Variants in ABCG8 observed in about 807,000 individuals in gnomAD.
ABCG8 encodes ATP binding cassette subfamily G member 8, also known as ATP-binding cassette sub-family G member 8.
ABCG8 carries 81 observed loss-of-function variants against 71.3 expected under a neutral mutation model. The observed-to-expected ratio is 1.14, with a 90% CI of 0.95 to 1.37. The LOEUF (loss-of-function observed/expected upper bound fraction) is 1.37. ABCG8 is among the 40% of genes most tolerant of loss of function. The pLI, the probability that ABCG8 is intolerant of heterozygous loss-of-function variation, is 0.00. For synonymous variants in ABCG8, 451 were observed against 354.7 expected (o/e 1.27, Z -3.05); for missense variants, 1,119 against 866.2 (o/e 1.29, Z -3.66).
intron 6 of ABCG8, among the ~76,000 whole-genome samples, chr2:43,862,587 TTAC>T (rs10541565): frequency 0.4 from 59,605 of 150,414 alleles, 13,221 homozygotes; most frequent in East Asian, 0.86. Flanking sequence ...GATAGAACTC[TTAC>T]TACCTGGAAA....
At chr2:43,870,480 ACT>A (rs1234755728) in intron 6 of ABCG8, among the ~76,000 whole-genome samples, 1 of 151,524 alleles carries the variant, frequency 6.6e-6, no homozygotes, top group Non-Finnish European at 1.5e-5. Flanking sequence ...TAGTATTCTC[ACT>A]CTCTGGATAG....
chr2:43,849,833 C>T (rs569044225), intron 3 of ABCG8, among the ~76,000 whole-genome samples: 25 of 152,252 alleles, frequency 1.6e-4, no homozygotes, highest in African/African-American at 6.0e-4. Flanking sequence ...GCACAGGCCC[C>T]TTCTACCCTG....
chr2:43,877,730 G>C (rs1454521526), intron 12 of ABCG8, 42 bp downstream of exon 12: 6 of 1,613,926 alleles, frequency 3.7e-6, no homozygotes, highest in African/African-American at 2.7e-5. Flanking sequence ...TTGGACGTCC[G>C]GCTTTCCATC....
At chr2:43,846,115 C>T in intron 2 of ABCG8, 40 bp from the exon 3 acceptor site, 1 of 1,610,646 alleles carries the variant, frequency 6.2e-7, no homozygotes, top group Non-Finnish European at 8.5e-7. Context: ...CCCTCTGAAC[C>T]ATTCAGCTCT....
chr2:43,874,815 G>C (rs1558858298), intron 10 of ABCG8, among the ~76,000 whole-genome samples: 1 of 152,162 alleles, frequency 6.6e-6, no homozygotes, highest in Non-Finnish European at 1.5e-5. Context: ...AGGAAGCAGA[G>C]GTTCAGAGAG....
chr2:43,878,947 C>A lies in ABCG8; in HGVS notation c.*1034C>A, dbSNP rs1457374635. The stretch of plus-strand genomic sequence containing the variant: ...TTTATAAGGGGCTTCCCTCTTCGCT[C>A]GGCTCTCATTCTCTCTCCCGCTACC... On this transcript the variant is annotated 3_prime_UTR_variant, in exon 13 of 13. Transcript: ENST00000272286. 1 of 152,234 alleles carries A rather than the reference C, an allele frequency of 6.6e-6. No individual in the cohort carries two copies. The highest frequency in any genetic ancestry group is 1.5e-5 in the Non-Finnish European group (1 of 68,066). 9.4% of individuals were successfully genotyped at this position (152,234 alleles called of 1,614,324 possible). A position where few individuals can be genotyped will look rare whatever the true frequency, so the allele number is the denominator to read the frequency against.
At chr2:43,856,607 C>T (rs1669116451) in intron 6 of ABCG8, among the ~76,000 whole-genome samples, 1 of 151,328 alleles carries the variant, frequency 6.6e-6, no homozygotes, top group African/African-American at 2.4e-5. Context: ...TACAATTTTC[C>T]CATCTGAATA....
intron 11 of ABCG8, 102 bp from the exon 12 acceptor site, chr2:43,877,440 AAATATGGGCAGACCATGGG>A: frequency 6.6e-7 from 1 of 1,515,778 alleles, no homozygotes; most frequent in Non-Finnish European, 9.1e-7. Context: ...GAGATCATGC[AAATATGGGCAGACCATGGG>A]AATATGGGGA....
chr2:43,851,794 C>G lies in ABCG8; in HGVS notation c.533C>G (p.Thr178Ser). ...ATTGCCCAGATGCGGCTGCCCAGAA[C>G]CTTCTCCCAGGCCCAGCGTGACAAA... Reference protein sequence around the residue: ...AFIAQMRLPRTFSQAQRDKRV... With the variant: ...AFIAQMRLPRSFSQAQRDKRV... Residue 178 changes from threonine to serine, a missense_variant, in exon 4 of 13, where the codon ACC becomes AGC. Thr to Ser is a moderately conservative substitution (Grantham distance 58). Transcript: ENST00000272286. 2 of 1,614,232 alleles carry G rather than the reference C, an allele frequency of 1.2e-6. No homozygotes were observed. The highest frequency in any genetic ancestry group is 1.7e-6 in the Non-Finnish European group (2 of 1,180,046).
rs1572874410 is a variant in ABCG8, at chr2:43,880,575, G to A, written c.*2662G>A. The A allele has an allele frequency of 6.6e-6, 1 of 152,012 alleles. No individual in the cohort carries two copies. Among genetic ancestry groups the A allele is most frequent in the Non-Finnish European group, 1.5e-5 (1 of 67,994 alleles). 9.4% of individuals were successfully genotyped at this position (152,012 alleles called of 1,614,324 possible). A position where few individuals can be genotyped will look rare whatever the true frequency, so the allele number is the denominator to read the frequency against. On this transcript the variant is annotated 3_prime_UTR_variant, in exon 13 of 13. Transcript: ENST00000272286. Reference sequence around the variant, plus strand: ...TGGAAAATGGTATTTAGAAGCCAAGGTTTTGGTGATAAGTATGCTCTTTGC... The same window carrying A: ...TGGAAAATGGTATTTAGAAGCCAAGATTTTGGTGATAAGTATGCTCTTTGC...
chr2:43,848,436 G>A (rs1668812808), intron 3 of ABCG8: 2 of 152,190 alleles, frequency 1.3e-5, no homozygotes, highest in South Asian at 4.1e-4. Flanking sequence ...ATGATTGGCT[G>A]AGACTCAGCA....
intron 1 of ABCG8, among the ~76,000 whole-genome samples, chr2:43,839,569 G>A (rs1180457961): frequency 6.6e-6 from 1 of 151,586 alleles, no homozygotes; most frequent in Admixed American, 6.6e-5. Flanking sequence ...TGAGATTACA[G>A]GCACCTGCCA....
At chr2:43,874,557 C>CA in intron 10 of ABCG8, 74 bp downstream of exon 10, 1 of 1,279,906 alleles carries the variant, frequency 7.8e-7, no homozygotes, top group Non-Finnish European at 1.1e-6. Flanking sequence ...AACGTTGCTA[C>CA]AAGGAAGGCT....
intron 6 of ABCG8, among the ~76,000 whole-genome samples, chr2:43,861,944 A>T (rs1249231907): frequency 6.6e-6 from 1 of 151,208 alleles, no homozygotes; most frequent in Non-Finnish European, 1.5e-5. Flanking sequence ...ATCTACCTCG[A>T]TATAATTCTC....
intron 1 of ABCG8, among the ~76,000 whole-genome samples, chr2:43,839,403 C>CATTT (rs1668482858): frequency 3.4e-5 from 2 of 59,296 alleles, no homozygotes; most frequent in Non-Finnish European, 6.4e-5. Context: ...CTTTTCTTCT[C>CATTT]TTTTTTTTTT....
At chr2:43,848,672 C>G (rs1490770811) in intron 3 of ABCG8, 1 of 152,158 alleles carries the variant, frequency 6.6e-6, no homozygotes, top group Admixed American at 6.5e-5. Flanking sequence ...CCCTCTCCCC[C>G]TGCCCAACAT....
intron 1 of ABCG8, among the ~76,000 whole-genome samples, chr2:43,840,676 G>A (rs1668552858): frequency 1.3e-5 from 2 of 152,138 alleles, no homozygotes; most frequent in Non-Finnish European, 2.9e-5. Context: ...AACCTGAAAG[G>A]CCATGTGTAA....
chr2:43,854,395 A>C (rs1225890068), intron 6 of ABCG8, among the ~76,000 whole-genome samples: 1 of 152,200 alleles, frequency 6.6e-6, no homozygotes, highest in Non-Finnish European at 1.5e-5. Context: ...TCAGAGGCTG[A>C]GGCAGGCAGA....
chr2:43,856,372 C>G (rs1309164675), intron 6 of ABCG8, among the ~76,000 whole-genome samples: 2 of 151,410 alleles, frequency 1.3e-5, no homozygotes, highest in Non-Finnish European at 3.0e-5. Flanking sequence ...CTGGATAGAA[C>G]TCTCACTCCC....
Sources: allele counts gnomAD v4.1 joint callset (sites outside exome capture counted in the v4.1 genomes callset), GRCh38; gene constraint gnomAD v4.1.1; transcripts MANE v1.5; gene names NCBI Gene and HGNC (gene_info 2026-07-23, HGNC 2026-07-21).